The following EML5 variants were observed in gnomAD, a reference collection of about 807,000 sequenced individuals.
EML5 encodes echinoderm microtubule-associated protein-like 5.
EML5 carries 120 observed loss-of-function variants against 250.0 expected under a neutral mutation model. That is an observed-to-expected ratio of 0.48 (90% CI 0.41 to 0.56). The LOEUF is 0.56. Among genes scored for constraint, EML5 ranks in the 20% least tolerant of loss-of-function variants. EML5 has a pLI of 0.00. For synonymous variants in EML5, 771 were observed against 806.5 expected (o/e 0.96, Z 0.75); for missense variants, 2,006 against 2,437.6 (o/e 0.82, Z 3.73).
chr14:88,665,102 A>C (rs1445916550), intron 22 of EML5, among the ~76,000 whole-genome samples: 1 of 152,206 alleles, frequency 6.6e-6, no homozygotes, highest in African/African-American at 2.4e-5. Flanking sequence ...AGGAAACAAA[A>C]GCTCAGAGAA....
intron 5 of EML5, 51 bp from the exon 6 acceptor site, chr14:88,739,065 T>C: frequency 1.3e-6 from 2 of 1,519,632 alleles, no homozygotes; most frequent in South Asian, 2.5e-5. Context: ...TAAGAACATC[T>C]ACTATATGAA....
chr14:88,638,663 A>T, intron 32 of EML5, 146 bp downstream of exon 32: 1 of 670,434 alleles, frequency 1.5e-6, no homozygotes, highest in Admixed American at 3.2e-5. Context: ...AGCAAATAAT[A>T]TGGTATAATT....
chr14:88,706,338 A>G lies in EML5; in HGVS notation c.1746T>C (p.Gly582=), dbSNP rs2093317212. ...ACTGAAAGACAGAGTGATCTGCTCC[A>G]CCAATAGAAATAACCCACTGATAAT... The part of the protein sequence containing the change: ...SHDYQWVISI[G]GADHSVFQWK... Residue 582 remains glycine (G), a synonymous_variant, in exon 11 of 44, where the codon GGT becomes GGC. Coordinates refer to ENST00000554922, the MANE Select transcript of EML5 (RefSeq NM_183387.3). 7 of 1,610,570 alleles carry G rather than the reference A, an allele frequency of 4.3e-6. No individual in the cohort carries two copies. The East Asian group carries it at 1.6e-4, about 36-fold the overall frequency.
chr14:88,676,437 A>C, intron 21 of EML5, among the ~76,000 whole-genome samples: 1 of 152,194 alleles, frequency 6.6e-6, no homozygotes, highest in Non-Finnish European at 1.5e-5. Context: ...CACTATCACG[A>C]GAACAGCACG....
In EML5 at chr14:88,792,177, A is replaced by C. The variant is rs527595910; in HGVS notation, c.197+130T>G. 1 of 1,118,696 alleles carries C rather than the reference A, an allele frequency of 8.9e-7. No individual in the cohort carries two copies. Among genetic ancestry groups the C allele is most frequent in the South Asian group, 1.5e-5 (1 of 64,534 alleles). The allele number at this position is 1,118,696 out of a possible 1,614,324, so 69.3% of individuals were successfully genotyped here. A position where few individuals can be genotyped will look rare whatever the true frequency, so the allele number is the denominator to read the frequency against. ...TGTTAACTGGTGGACTCGGGACCAG[A>C]GAGACAGCTGCGGATTCCCCTCGGG... On this transcript the variant is annotated intron_variant, in intron 1 of 43. Coordinates refer to ENST00000554922, the MANE Select transcript of EML5 (RefSeq NM_183387.3). The surrounding 1 kb of genome is among the most constrained non-coding windows in gnomAD (Gnocchi z 6.9).
At chr14:88,668,662 A>C (rs1022461373) in intron 21 of EML5, among the ~76,000 whole-genome samples, 3 of 152,182 alleles carry the variant, frequency 2.0e-5, no homozygotes, top group African/African-American at 7.2e-5. Flanking sequence ...AATAGTAGTG[A>C]GGTCAATTAT....
At chr14:88,686,733 T>C (rs1047285854) in intron 19 of EML5, among the ~76,000 whole-genome samples, 1 of 151,848 alleles carries the variant, frequency 6.6e-6, no homozygotes, top group Non-Finnish European at 1.5e-5. Context: ...ACCACTTGAG[T>C]CTAGGGGTTC....
chr14:88,711,639 T>A (rs1391384215), intron 10 of EML5, among the ~76,000 whole-genome samples: 1 of 151,890 alleles, frequency 6.6e-6, no homozygotes, highest in Non-Finnish European at 1.5e-5. Flanking sequence ...AAAATGAGAT[T>A]TGGCTGGGGA....
At chr14:88,723,443 G>C (rs938027830) in intron 8 of EML5, among the ~76,000 whole-genome samples, 1 of 152,162 alleles carries the variant, frequency 6.6e-6, no homozygotes, top group African/African-American at 2.4e-5. Context: ...ACAGGGATTA[G>C]GAGTACAGGT....
At chr14:88,657,283 T>C in intron 27 of EML5, 93 bp downstream of exon 27, 2 of 1,230,272 alleles carry the variant, frequency 1.6e-6, no homozygotes, top group South Asian at 1.5e-5. Context: ...ATATCACTGT[T>C]ACTTAGTTTG....
intron 4 of EML5, 30 bp downstream of exon 4, chr14:88,743,993 G>A: frequency 6.8e-7 from 1 of 1,462,514 alleles, no homozygotes; most frequent in East Asian, 2.4e-5. Context: ...AACTAAACGT[G>A]ACTATTATAA....
At chr14:88,703,083 T>A (rs1431766177) in intron 13 of EML5, among the ~76,000 whole-genome samples, 1 of 152,008 alleles carries the variant, frequency 6.6e-6, no homozygotes, top group African/African-American at 2.4e-5. Context: ...TCAGATCCAA[T>A]AAACTTTTAT....
At chr14:88,670,479 CT>C (rs1480949322) in intron 21 of EML5, among the ~76,000 whole-genome samples, 3 of 152,072 alleles carry the variant, frequency 2.0e-5, no homozygotes, top group African/African-American at 7.2e-5. Flanking sequence ...AAAAAAAATG[CT>C]GCAAACTCAA....
chr14:88,722,808 C>G (rs1056272005), intron 8 of EML5, among the ~76,000 whole-genome samples: 1 of 152,042 alleles, frequency 6.6e-6, no homozygotes, highest in African/African-American at 2.4e-5. Flanking sequence ...GGGTTAATAC[C>G]TAGGTGATGG....
At chr14:88,716,995 A>G (rs11159865) in intron 8 of EML5, among the ~76,000 whole-genome samples, 28,933 of 152,166 alleles carry the variant, frequency 0.19, 3,317 homozygotes, top group East Asian at 0.47. Flanking sequence ...TAAGAAGCAG[A>G]AGGAGGCAAA....
chr14:88,757,898 T>A (rs1439325274), intron 1 of EML5, among the ~76,000 whole-genome samples: 1 of 151,966 alleles, frequency 6.6e-6, no homozygotes, highest in Non-Finnish European at 1.5e-5. Context: ...TCACCCAGGC[T>A]GGAGTACAGT....
chr14:88,618,939 C>G, intron 39 of EML5, 127 bp from the exon 40 acceptor site: 1 of 824,094 alleles, frequency 1.2e-6, no homozygotes, highest in Non-Finnish European at 1.8e-6. Context: ...ATTTACCTGT[C>G]AGACACAACT....
chr14:88,753,901 C>T (rs992687942), intron 2 of EML5, among the ~76,000 whole-genome samples: 6 of 151,786 alleles, frequency 4.0e-5, no homozygotes, highest in Non-Finnish European at 8.8e-5. Flanking sequence ...TTTGGGAGGT[C>T]AACAACACTG....
intron 28 of EML5, among the ~76,000 whole-genome samples, chr14:88,648,741 T>A (rs2140762758): frequency 6.6e-6 from 1 of 152,184 alleles, no homozygotes; most frequent in Non-Finnish European, 1.5e-5. Context: ...TATCCAAGTC[T>A]CCTTTAAAAT....
Sources: allele counts gnomAD v4.1 joint callset (sites outside exome capture counted in the v4.1 genomes callset), GRCh38; gene constraint gnomAD v4.1.1; non-coding constraint Gnocchi (gnomAD v3.1); transcripts MANE v1.5; gene names NCBI Gene and HGNC (gene_info 2026-07-23, HGNC 2026-07-21).